ADAM12: variants seen among roughly 807,000 people sequenced by gnomAD.
ADAM12 encodes disintegrin and metalloproteinase domain-containing protein 12.
ADAM12 carries 70 observed loss-of-function variants against 106.4 expected under a neutral mutation model. That is an observed-to-expected ratio of 0.66 (90% confidence interval 0.54 to 0.80). ADAM12 has a LOEUF of 0.80. ADAM12 is among the 30% of genes least tolerant of loss of function. The probability of loss-of-function intolerance (pLI) is 0.00; values close to 1 mark genes in which losing one functional copy is unlikely to be tolerated. For missense variants in ADAM12, 1,010 were observed against 1,171.9 expected (o/e 0.86, Z 2.02); for synonymous variants, 420 against 433.5 (o/e 0.97, Z 0.39).
At chr10:126,252,197 ATG>A (rs1958798144) in intron 3 of ADAM12, among the ~76,000 whole-genome samples, 1 of 8,784 alleles carries the variant, frequency 1.1e-4, no homozygotes, top group African/African-American at 4.3e-4. Flanking sequence ...GATGGGATGG[ATG>A]AGATGGATGG....
chr10:126,156,209 T>C (rs553352886), intron 3 of ADAM12, among the ~76,000 whole-genome samples: 21 of 150,956 alleles, frequency 1.4e-4, no homozygotes, highest in African/African-American at 4.6e-4. Context: ...CAGAATCCAG[T>C]GTGAAGGGAG....
At chr10:126,145,395 T>G (rs1956606974) in intron 4 of ADAM12, 2 of 152,702 alleles carry the variant, frequency 1.3e-5, no homozygotes, top group South Asian at 4.1e-4. Flanking sequence ...ACTAATTCCA[T>G]TACAACAAAC....
chr10:126,182,807 G>T (rs1319297133), intron 3 of ADAM12, among the ~76,000 whole-genome samples: 1 of 152,206 alleles, frequency 6.6e-6, no homozygotes, highest in Non-Finnish European at 1.5e-5. Flanking sequence ...CGGGACTATG[G>T]GGATTTACAT....
chr10:126,222,245 G>A (rs534163854), intron 3 of ADAM12, among the ~76,000 whole-genome samples: 1 of 152,146 alleles, frequency 6.6e-6, no homozygotes, highest in South Asian at 2.1e-4. Flanking sequence ...AGAGGACGCT[G>A]GGTTAGAACA....
rs149482939 is a variant in ADAM12, at chr10:126,296,033, T to C, written c.187-17045A>G. 9.2e-4 allele frequency among the ~76,000 whole-genome samples: 140 copies of C among 152,248 alleles called. 1 individual carries two copies. The highest frequency in any genetic ancestry group is 3.3e-3 in the African/African-American group (135 of 41,536). Reference sequence around the variant, plus strand: ...TCCAAGTTCTGGCAGGAACAGTCCATGAAGGGCAGTAACTGGAGAGAAGAG... The same window carrying C: ...TCCAAGTTCTGGCAGGAACAGTCCACGAAGGGCAGTAACTGGAGAGAAGAG... On this transcript the variant is annotated intron_variant, in intron 2 of 22. Transcript: ENST00000448723.
At chr10:126,018,225 C>T (rs1010014128) in intron 22 of ADAM12, among the ~76,000 whole-genome samples, 1 of 152,216 alleles carries the variant, frequency 6.6e-6, no homozygotes, top group African/African-American at 2.4e-5. Context: ...CAACACAGTA[C>T]CTTTGGTTCT....
intron 3 of ADAM12, among the ~76,000 whole-genome samples, chr10:126,205,136 A>T (rs181424205): frequency 1.3e-5 from 2 of 152,306 alleles, no homozygotes; most frequent in Admixed American, 1.3e-4. Context: ...CATACAGCAT[A>T]GCAGGAGAGC....
rs187877516 is a variant in ADAM12 at position 126,260,216 on chromosome 10, C to T, written c.260+18699G>A. The stretch of plus-strand genomic sequence containing the variant: ...GTCCTGGGACAACAGGACAAATGAC[C>T]GGGAGCCAGCGCTTCACGCTGCCTG... On this transcript the variant is annotated intron_variant, in intron 3 of 22. Coordinates refer to ENST00000448723, the MANE Select transcript of ADAM12 (RefSeq NM_001288973.2). 2.8e-3 allele frequency among the ~76,000 whole-genome samples: 427 copies of T among 152,332 alleles called. 1 individual carries two copies. Among genetic ancestry groups the T allele is most frequent in the Non-Finnish European group, 4.8e-3 (324 of 68,038 alleles).
At chr10:126,186,857 A>G (rs1957408591) in intron 3 of ADAM12, among the ~76,000 whole-genome samples, 1 of 152,192 alleles carries the variant, frequency 6.6e-6, no homozygotes, top group Admixed American at 6.5e-5. Context: ...CAACACTTTC[A>G]TCCATATTAT....
chr10:126,049,752 G>T lies in ADAM12; in HGVS notation c.1610-83C>A. On this transcript the variant is annotated intron_variant, in intron 14 of 22. Transcript: ENST00000448723. This position sits in a 1 kb window ranked among gnomAD's most constrained non-coding sequence, Gnocchi z 4.4. The stretch of plus-strand genomic sequence containing the variant: ...GGCTGTAGGCCTCTCAAATGGTTAC[G>T]GGGAGACGTGCTCAAAGCAATCACA... 8.2e-7 allele frequency: 1 copy of T among 1,214,014 alleles called. No individual in the cohort carries two copies. The highest frequency in any genetic ancestry group is 1.2e-6 in the Non-Finnish European group (1 of 852,546). The allele number at this position is 1,214,014 out of a possible 1,614,324, so 75.2% of individuals were successfully genotyped here.
Position 126,388,080 on chromosome 10 carries a change from C to G in ADAM12, c.66G>C (p.Leu22=), listed in dbSNP as rs748582263. ...TACCTCGGGCCTCGCAGGGCGCGAGCAGAGCACCGGCCAGGGCGAGCAGGA... is the reference window on the plus strand; with the variant it reads ...TACCTCGGGCCTCGCAGGGCGCGAGGAGAGCACCGGCCAGGGCGAGCAGGA... ...RALLLALAGA[L]LAPCEARGVS... Residue 22 remains leucine, a synonymous_variant, in exon 1 of 23, where the codon CTG becomes CTC. Transcript: ENST00000448723. The surrounding 1 kb of genome is among the most constrained non-coding windows in gnomAD (Gnocchi z 4.4). 3.2e-6 allele frequency: 4 copies of G among 1,232,850 alleles called. No homozygotes were observed. In the Admixed American group the frequency reaches 1.1e-4, roughly 35 times the overall value. 76.4% of individuals were successfully genotyped at this position (1,232,850 alleles called of 1,614,324 possible). A position where few individuals can be genotyped will look rare whatever the true frequency, so the allele number is the denominator to read the frequency against.
intron 1 of ADAM12, among the ~76,000 whole-genome samples, chr10:126,361,572 T>G (rs1253293064): frequency 6.6e-6 from 1 of 152,160 alleles, no homozygotes; most frequent in Non-Finnish European, 1.5e-5. Flanking sequence ...AGCATGGTAC[T>G]AAGCATAAAA....
intron 3 of ADAM12, among the ~76,000 whole-genome samples, chr10:126,159,086 G>A (rs576331494): frequency 2.0e-5 from 3 of 152,268 alleles, no homozygotes; most frequent in Non-Finnish European, 4.4e-5. Flanking sequence ...AAGGCGGGCA[G>A]ATCACGAGGT....
At chr10:126,290,082 T>C (rs1351900130) in intron 2 of ADAM12, among the ~76,000 whole-genome samples, 1 of 152,142 alleles carries the variant, frequency 6.6e-6, no homozygotes, top group African/African-American at 2.4e-5. Flanking sequence ...GTCAGAAAGA[T>C]GTGACAAGAG....
chr10:126,386,764 A>T (rs377164113), intron 1 of ADAM12, among the ~76,000 whole-genome samples: 1 of 152,226 alleles, frequency 6.6e-6, no homozygotes, highest in African/African-American at 2.4e-5. Flanking sequence ...ACACTTTGAG[A>T]CACTTTCCGT....
rs115297119 is a variant in ADAM12 at position 126,376,518 on chromosome 10, A to G, written c.88+11540T>C. Among the ~76,000 whole-genome samples, 1,494 of 152,378 alleles carry G rather than the reference A, an allele frequency of 9.8e-3. 24 individuals are homozygous for G. Among genetic ancestry groups the G allele is most frequent in the African/African-American group, 0.034 (1,418 of 41,594 alleles). On this transcript the variant is annotated intron_variant, in intron 1 of 22. Coordinates refer to ENST00000448723, the MANE Select transcript of ADAM12 (RefSeq NM_001288973.2). The stretch of plus-strand genomic sequence containing the variant: ...TCTTTTAAAAATAGTGATACCATCT[A>G]AAGTGACAATAAATCTATTAGGTAC...
chr10:126,147,153 A>T (rs866850482), intron 4 of ADAM12, among the ~76,000 whole-genome samples: 18 of 152,344 alleles, frequency 1.2e-4, no homozygotes, highest in Middle Eastern at 3.4e-3. Context: ...CTTTGAAACT[A>T]TCAAAGCAAA....
Position 126,101,115 on chromosome 10 carries a change from T to G in ADAM12, c.868A>C (p.Lys290Gln), listed in dbSNP as rs1470740835. ...TCATGGGATTTGCGAGGTAGAAGCT[T>G]CATCTTCCTCCAGTCCAGAAATTCA... is the stretch of plus-strand genomic sequence containing the variant. ...LHEFLDWRKM[K>Q]LLPRKSHDNA... The change falls in exon 9 of 23, where the codon AAG (lysine) becomes CAG (glutamine). Residue 290 changes from lysine to glutamine, a missense_variant. Physicochemically the swap from Lys to Gln is moderately conservative, Grantham distance 53. Transcript: ENST00000448723. The G allele has an allele frequency of 1.2e-6, 2 of 1,613,968 alleles. No individual in the cohort carries two copies. The highest frequency in any genetic ancestry group is 1.7e-6 in the Non-Finnish European group (2 of 1,179,906).
intron 2 of ADAM12, among the ~76,000 whole-genome samples, chr10:126,318,040 T>C (rs1269218375): frequency 6.6e-6 from 1 of 152,192 alleles, no homozygotes; most frequent in Non-Finnish European, 1.5e-5. Context: ...AAGCAATGAC[T>C]GCCCAGTAGC....
Sources: allele counts gnomAD v4.1 joint callset (sites outside exome capture counted in the v4.1 genomes callset), GRCh38; gene constraint gnomAD v4.1.1; non-coding constraint Gnocchi (gnomAD v3.1); transcripts MANE v1.5; gene names NCBI Gene and HGNC (gene_info 2026-07-23, HGNC 2026-07-21).